BTD: variants seen among roughly 807,000 people sequenced by gnomAD.
The protein encoded by BTD is biocytinase.
In BTD, 13 loss-of-function variants were observed where a neutral mutation model predicts 17.7. The observed-to-expected ratio is 0.74, with a 90% CI of 0.48 to 1.17. The LOEUF (loss-of-function observed/expected upper bound fraction) is 1.17. Ranked by LOEUF, BTD falls within the 50% of genes most tolerant of loss-of-function variation. BTD has a pLI of 0.00. For synonymous variants in BTD, 240 were observed against 245.2 expected, an observed-to-expected ratio of 0.98 and a Z score of 0.20; for missense variants, 674 against 650.4, an observed-to-expected ratio of 1.04 and a Z score of -0.39.
chr3:15,707,255 G>C (rs1235747114), intron 3 of BTD, among the ~76,000 whole-genome samples: 1 of 108,780 alleles, frequency 9.2e-6, no homozygotes, highest in African/African-American at 2.6e-5. Flanking sequence ...TTTCGTGCAA[G>C]AAGAAAAAAA....
intron 1 of BTD, chr3:15,602,322 C>T: frequency 9.2e-7 from 1 of 1,083,704 alleles, no homozygotes; most frequent in Non-Finnish European, 1.1e-6. Context: ...TAGTATAGAG[C>T]ACTGTTTTCT....
chr3:15,613,647 A>AAG (rs2064702757), intron 1 of BTD, among the ~76,000 whole-genome samples: 1 of 151,624 alleles, frequency 6.6e-6, no homozygotes, highest in African/African-American at 2.4e-5. Flanking sequence ...CACTCGTGGC[A>AAG]GAATGTTTTG....
chr3:15,631,068 T>C (rs2125435257), intron 1 of BTD, among the ~76,000 whole-genome samples: 1 of 152,370 alleles, frequency 6.6e-6, no homozygotes, highest in South Asian at 2.1e-4. Flanking sequence ...CTCCTGTTTA[T>C]GTAAAAGAAT....
intron 1 of BTD, among the ~76,000 whole-genome samples, chr3:15,616,307 A>G (rs935184137): frequency 1.3e-5 from 2 of 152,124 alleles, no homozygotes; most frequent in Non-Finnish European, 2.9e-5. Flanking sequence ...TCTCAACAGC[A>G]TTTGGTCTTT....
chr3:15,664,045 G>A (rs1024689420), intron 3 of BTD, among the ~76,000 whole-genome samples: 7 of 152,152 alleles, frequency 4.6e-5, no homozygotes, highest in African/African-American at 1.7e-4. Context: ...GGAATTACAG[G>A]TGCCTGCCAC....
At chr3:15,704,502 TA>T (rs1329617228) in intron 3 of BTD, among the ~76,000 whole-genome samples, 1 of 152,074 alleles carries the variant, frequency 6.6e-6, no homozygotes, top group African/African-American at 2.4e-5. Context: ...AGGGGATTTT[TA>T]AAAAACCATT....
upstream of BTD, chr3:15,601,376 A>T: frequency 6.2e-7 from 1 of 1,614,142 alleles, no homozygotes; most frequent in Non-Finnish European, 8.5e-7. Flanking sequence ...AGGAAGGTCC[A>T]TCGTACTTGC....
chr3:15,640,856 C>CCT (rs35863533), intron 2 of BTD, among the ~76,000 whole-genome samples: 75,576 of 151,760 alleles, frequency 0.5, 21,414 homozygotes, highest in African/African-American at 0.76. Context: ...TGTTTTTTCC[C>CCT]GTTTTCCAAA....
downstream of BTD, among the ~76,000 whole-genome samples, chr3:15,715,664 A>G (rs2072920867): frequency 6.6e-6 from 1 of 152,210 alleles, no homozygotes; most frequent in Non-Finnish European, 1.5e-5. Context: ...CCTACTTACC[A>G]CAAGCAAGAT....
At chr3:15,676,923 T>A (rs1253663306) in intron 3 of BTD, 1 of 1,471,692 alleles carries the variant, frequency 6.8e-7, no homozygotes, top group African/African-American at 1.4e-5. Flanking sequence ...CCATTTATCA[T>A]TTTTATAATT....
chr3:15,611,225 T>G (rs2064616740), intron 1 of BTD, among the ~76,000 whole-genome samples: 1 of 152,122 alleles, frequency 6.6e-6, no homozygotes, highest in Admixed American at 6.5e-5. Context: ...GGCAGGGCTT[T>G]TAGGAAAGCT....
intron 3 of BTD, among the ~76,000 whole-genome samples, chr3:15,683,232 C>T (rs1363336891): frequency 6.6e-6 from 1 of 152,126 alleles, no homozygotes; most frequent in Non-Finnish European, 1.5e-5. Context: ...TGCTTCTGAA[C>T]AGTTTTATCT....
At chr3:15,713,441 T>A (rs2072590946), downstream of BTD, 11 of 1,018,960 alleles carry the variant, frequency 1.1e-5, no homozygotes, top group South Asian at 1.7e-4. Flanking sequence ...AAAATCCACA[T>A]TTCCACGTGA....
chr3:15,604,144 C>T (rs1256791185), intron 1 of BTD, among the ~76,000 whole-genome samples: 2 of 152,274 alleles, frequency 1.3e-5, no homozygotes, highest in Admixed American at 6.5e-5. Flanking sequence ...ATTTCCCTTC[C>T]ACACTGCCCT....
In BTD at chr3:15,642,077, T is replaced by G. The variant is rs770280510; in HGVS notation, c.399+20T>G. The G allele has an allele frequency of 2.5e-6, 4 of 1,613,688 alleles. No homozygotes were observed. In the South Asian group the frequency reaches 3.3e-5, roughly 13 times the overall value. On this transcript the variant is annotated intron_variant, in intron 3 of 3. Transcript: ENST00000643237. Reference sequence around the variant, plus strand: ...ACAGAGGTGATTCCTGCCTTTTTCCTCAGTAGGCTGAGGGTACACAGAGGT... The same window carrying G: ...ACAGAGGTGATTCCTGCCTTTTTCCGCAGTAGGCTGAGGGTACACAGAGGT...
At chr3:15,694,672 C>A in intron 3 of BTD, 1 of 1,406,930 alleles carries the variant, frequency 7.1e-7, no homozygotes, top group South Asian at 1.2e-5. Flanking sequence ...TGAGTCAACA[C>A]AAATAGGTTA....
chr3:15,669,699 A>C (rs2125565554), intron 3 of BTD: 1 of 152,740 alleles, frequency 6.5e-6, no homozygotes, highest in East Asian at 1.9e-4. Flanking sequence ...AACCCAAAAA[A>C]ACTCAACATT....
chr3:15,660,376 C>T lies in BTD; in HGVS notation c.399+18319C>T, dbSNP rs2065910662. On this transcript the variant is annotated intron_variant, in intron 3 of 3. Transcript: ENST00000672141. ...TTGCTACCCATGAAGGGAATTACAA[C>T]TCAGGAAAACTGACCTTTTCCACTT... 2.0e-5 allele frequency among the ~76,000 whole-genome samples: 3 copies of T among 152,246 alleles called. No individual in the cohort carries two copies. The South Asian group carries it at 6.2e-4, about 32-fold the overall frequency.
At chr3:15,681,601 T>C (rs900300389) in intron 3 of BTD, among the ~76,000 whole-genome samples, 4 of 152,222 alleles carry the variant, frequency 2.6e-5, no homozygotes, top group African/African-American at 7.2e-5. Context: ...CAAAGTGATG[T>C]TATATTTTCT....
Sources: gnomAD v4.1 joint callset for allele counts (sites outside exome capture counted in the v4.1 genomes callset) on GRCh38, gnomAD v4.1.1 for gene constraint, MANE v1.5 for transcripts, NCBI Gene and HGNC (gene_info 2026-07-23, HGNC 2026-07-21) for gene names.